ESRRG: variants seen among roughly 807,000 people sequenced by gnomAD.
The protein encoded by ESRRG is estrogen related receptor gamma, also known as estrogen-related receptor gamma.
A neutral mutation model predicts 44.0 loss-of-function variants in ESRRG; 13 were observed. That is an observed-to-expected ratio of 0.30 (90% confidence interval 0.19 to 0.47). The LOEUF is 0.47. ESRRG is among the 20% of genes least tolerant of loss of function. The pLI, the probability that ESRRG is intolerant of heterozygous loss-of-function variation, is 1.00. For synonymous variants in ESRRG, 215 were observed against 214.6 expected, an observed-to-expected ratio of 1.00 and a Z score of -0.02; for missense variants, 395 against 580.6, an observed-to-expected ratio of 0.68 and a Z score of 3.29.
chr1:217,014,825 C>T (rs1339110788), intron 1 of ESRRG, among the ~76,000 whole-genome samples: 1 of 152,062 alleles, frequency 6.6e-6, no homozygotes, highest in African/African-American at 2.4e-5. Flanking sequence ...TATTCTCTAC[C>T]TTTAGTAGCC....
chr1:216,549,367 T>C (rs911571291), intron 5 of ESRRG, among the ~76,000 whole-genome samples: 6 of 152,042 alleles, frequency 3.9e-5, no homozygotes, highest in Non-Finnish European at 5.9e-5. Flanking sequence ...AAAGTATGAA[T>C]ATTGATTGCA....
intron 1 of ESRRG, among the ~76,000 whole-genome samples, chr1:217,113,439 G>A (rs138452636): frequency 8.1e-4 from 124 of 152,240 alleles, no homozygotes; most frequent in African/African-American, 2.8e-3. Flanking sequence ...ATATTGAGTA[G>A]GAGTGGGGCA....
intron 2 of ESRRG, among the ~76,000 whole-genome samples, chr1:216,826,374 C>T (rs907642402): frequency 2.6e-5 from 4 of 152,072 alleles, no homozygotes; most frequent in African/African-American, 9.7e-5. Flanking sequence ...AGAGCTGGTA[C>T]ACCTACTGAC....
At chr1:217,106,375 T>C (rs6604654) in intron 1 of ESRRG, among the ~76,000 whole-genome samples, 27,495 of 150,808 alleles carry the variant, frequency 0.18, 2,984 homozygotes, top group African/African-American at 0.3. Context: ...CATACATCTA[T>C]TCACACACTC....
intron 2 of ESRRG, among the ~76,000 whole-genome samples, chr1:216,890,991 T>C (rs1017941315): frequency 4.6e-5 from 7 of 152,186 alleles, no homozygotes; most frequent in African/African-American, 1.7e-4. Flanking sequence ...TTACACGATC[T>C]TATTTGGGCA....
chr1:216,541,886 G>GAGT (rs1368613745), intron 5 of ESRRG, among the ~76,000 whole-genome samples: 1 of 151,788 alleles, frequency 6.6e-6, no homozygotes, highest in Non-Finnish European at 1.5e-5. Context: ...GCATCCCTGA[G>GAGT]AGTGATCACA....
intron 3 of ESRRG, among the ~76,000 whole-genome samples, chr1:216,595,006 T>C (rs1160211162): frequency 6.6e-6 from 1 of 152,186 alleles, no homozygotes; most frequent in Non-Finnish European, 1.5e-5. Context: ...AAGTAGACTA[T>C]GGCTAGAGGT....
intron 3 of ESRRG, among the ~76,000 whole-genome samples, chr1:216,585,725 A>G (rs1288731101): frequency 6.6e-6 from 1 of 152,210 alleles, no homozygotes; most frequent in African/African-American, 2.4e-5. Flanking sequence ...TGATCCTAAT[A>G]ACTGATTCCA....
chr1:216,836,194 A>C (rs972222491), intron 2 of ESRRG, among the ~76,000 whole-genome samples: 2 of 152,116 alleles, frequency 1.3e-5, no homozygotes, highest in Admixed American at 6.5e-5. Flanking sequence ...TAATTAAGGA[A>C]GGTTTTGGAG....
At chr1:216,726,343 C>T (rs1386857956), upstream of ESRRG, among the ~76,000 whole-genome samples, 2 of 152,152 alleles carry the variant, frequency 1.3e-5, no homozygotes, top group Non-Finnish European at 2.9e-5. Flanking sequence ...TAAAAATCCT[C>T]TTCACTAAAC....
At chr1:216,973,563 A>C (rs2072176133) in intron 1 of ESRRG, among the ~76,000 whole-genome samples, 1 of 152,218 alleles carries the variant, frequency 6.6e-6, no homozygotes, top group Non-Finnish European at 1.5e-5. Flanking sequence ...GCAATGGCTC[A>C]TGCCTGTAAT....
chr1:216,785,189 G>T (rs1294056850), intron 2 of ESRRG, among the ~76,000 whole-genome samples: 1 of 152,196 alleles, frequency 6.6e-6, no homozygotes, highest in Admixed American at 6.6e-5. Flanking sequence ...CACTGGAACA[G>T]ACTTTGAAGA....
chr1:216,595,402 T>A (rs933377056), intron 3 of ESRRG, among the ~76,000 whole-genome samples: 2 of 152,328 alleles, frequency 1.3e-5, no homozygotes, highest in South Asian at 4.1e-4. Flanking sequence ...TCAATTATGA[T>A]TGAATTTATT....
chr1:216,769,782 C>T (rs774377178), intron 2 of ESRRG, among the ~76,000 whole-genome samples: 6 of 151,952 alleles, frequency 3.9e-5, no homozygotes, highest in Admixed American at 6.6e-5. Flanking sequence ...GGTTTATAAA[C>T]ATTGAATTTG....
intron 1 of ESRRG, among the ~76,000 whole-genome samples, chr1:217,061,571 AG>A (rs2088509680): frequency 6.6e-6 from 1 of 152,104 alleles, no homozygotes; most frequent in African/African-American, 2.4e-5. Flanking sequence ...AAACAGGAAA[AG>A]GTCAGTCCTC....
At chr1:217,066,793 T>C (rs1434155493) in intron 1 of ESRRG, among the ~76,000 whole-genome samples, 1 of 152,184 alleles carries the variant, frequency 6.6e-6, no homozygotes, top group African/African-American at 2.4e-5. Flanking sequence ...CCAGTCTTAA[T>C]AATCCCAAAT....
chr1:216,701,110 T>A (rs1425147479), intron 1 of ESRRG, among the ~76,000 whole-genome samples: 1 of 137,088 alleles, frequency 7.3e-6, no homozygotes, highest in Non-Finnish European at 1.6e-5. Flanking sequence ...AACAACCCCA[T>A]TATTAAGAGC....
intron 3 of ESRRG, among the ~76,000 whole-genome samples, chr1:216,629,381 G>A (rs1461522951): frequency 6.6e-6 from 1 of 151,960 alleles, no homozygotes; most frequent in Non-Finnish European, 1.5e-5. Flanking sequence ...ACATAATTTT[G>A]CCCATTGGGT....
At chr1:216,985,885 C>T (rs1433005246) in intron 1 of ESRRG, 1 of 152,112 alleles carries the variant, frequency 6.6e-6, no homozygotes, top group East Asian at 1.9e-4. Flanking sequence ...AAATGTATAC[C>T]AGTCCTTGGG....
Sources: gnomAD v4.1 joint callset for allele counts (sites outside exome capture counted in the v4.1 genomes callset) on GRCh38, gnomAD v4.1.1 for gene constraint, MANE v1.5 for transcripts, NCBI Gene and HGNC (gene_info 2026-07-23, HGNC 2026-07-21) for gene names.